The following HIVEP3 variants were observed in gnomAD, a reference collection of about 807,000 sequenced individuals.
The protein encoded by HIVEP3 is HIVEP zinc finger 3, also known as transcription factor HIVEP3.
In HIVEP3, 49 loss-of-function variants were observed where a neutral mutation model predicts 152.8. That is an observed-to-expected ratio of 0.32 (90% CI 0.26 to 0.41). HIVEP3 has a LOEUF of 0.41. Among genes scored for constraint, HIVEP3 ranks in the 10% least tolerant of loss-of-function variants. The pLI, the probability that HIVEP3 is intolerant of heterozygous loss-of-function variation, is 1.00. For missense variants in HIVEP3, 2,790 were observed against 3,103.3 expected (o/e 0.90, Z 2.40); for synonymous variants, 1,269 against 1,289.0 (o/e 0.98, Z 0.33).
chr1:41,733,319 C>A (rs1439264635), intron 1 of HIVEP3, among the ~76,000 whole-genome samples: 2 of 152,178 alleles, frequency 1.3e-5, no homozygotes, highest in African/African-American at 4.8e-5. Flanking sequence ...AGCCAATGTC[C>A]AACTCCCAGG....
intron 1 of HIVEP3, among the ~76,000 whole-genome samples, chr1:41,944,859 C>T (rs776359955): frequency 6.6e-6 from 1 of 152,176 alleles, no homozygotes; most frequent in East Asian, 1.9e-4. Flanking sequence ...AACATTCCCC[C>T]CAAGGCAAAA....
intron 2 of HIVEP3, among the ~76,000 whole-genome samples, chr1:41,693,713 G>A (rs192689987): frequency 6.6e-5 from 10 of 152,128 alleles, no homozygotes; most frequent in African/African-American, 1.4e-4. Flanking sequence ...GGAGGCATTC[G>A]TCATTCCGGT....
chr1:41,525,614 C>T (rs139810677), intron 5 of HIVEP3, among the ~76,000 whole-genome samples: 7 of 152,322 alleles, frequency 4.6e-5, no homozygotes, highest in South Asian at 4.1e-4. Context: ...CTCACCTGCA[C>T]GTCAGCCTGC....
chr1:41,646,968 G>T (rs1405283418), intron 2 of HIVEP3, among the ~76,000 whole-genome samples: 2 of 152,006 alleles, frequency 1.3e-5, no homozygotes, highest in Non-Finnish European at 2.9e-5. Context: ...TCCTTCTTTG[G>T]CTCATGGCCT....
At position 41,667,873 on chromosome 1, in the gene HIVEP3, C is replaced by T. The variant is rs138818770; in HGVS notation, c.-721+33043G>A. ...TAGTCACTCAATAAAGAAGCCCCCC[C>T]CAAGCCCCCCAACTCAAGCTCTTTG... On this transcript the variant is annotated intron_variant, in intron 2 of 8. Coordinates refer to ENST00000372583, the MANE Select transcript of HIVEP3 (RefSeq NM_024503.5). 3.3e-5 allele frequency among the ~76,000 whole-genome samples: 5 copies of T among 152,260 alleles called. 1 individual carries two copies. In the East Asian group the frequency reaches 9.6e-4, roughly 29 times the overall value.
chr1:41,689,620 A>G (rs2124106179), intron 2 of HIVEP3, among the ~76,000 whole-genome samples: 1 of 152,310 alleles, frequency 6.6e-6, no homozygotes, highest in Non-Finnish European at 1.5e-5. Context: ...TTTGCTTCCT[A>G]CTGGTTTACA....
chr1:41,526,418 CCTCACA>C (rs1382430899), intron 5 of HIVEP3, among the ~76,000 whole-genome samples: 1 of 140,960 alleles, frequency 7.1e-6, no homozygotes, highest in Non-Finnish European at 1.5e-5. Context: ...CCACACTCAC[CCTCACA>C]CTCACCCTCA....
At chr1:41,562,410 A>T (rs7525695) in intron 5 of HIVEP3, among the ~76,000 whole-genome samples, 39,417 of 152,072 alleles carry the variant, frequency 0.26, 5,372 homozygotes, top group East Asian at 0.46. Context: ...ATGGCTAAAA[A>T]ATATTTGAAT....
chr1:41,709,535 G>A lies in HIVEP3; in HGVS notation c.-800-8540C>T, dbSNP rs147875448. On this transcript the variant is annotated intron_variant, in intron 1 of 8. Transcript: ENST00000372583. ...AAGAAAGGCAGTGTCATTTCCTGACGATCTTCCTTGTTTAGGGCAGGAAAC... is the reference window on the plus strand; with the variant it reads ...AAGAAAGGCAGTGTCATTTCCTGACAATCTTCCTTGTTTAGGGCAGGAAAC... 2.1e-3 allele frequency among the ~76,000 whole-genome samples: 317 copies of A among 152,312 alleles called. 2 individuals carry two copies. Among genetic ancestry groups the A allele is most frequent in the Admixed American group, 4.2e-3 (65 of 15,302 alleles).
At chr1:41,682,453 G>A (rs1422225455) in intron 2 of HIVEP3, among the ~76,000 whole-genome samples, 2 of 152,186 alleles carry the variant, frequency 1.3e-5, no homozygotes, top group Non-Finnish European at 2.9e-5. Context: ...CTCTGGGAGG[G>A]TTGATGGAAC....
At chr1:41,994,006 G>T (rs1307741024) in intron 1 of HIVEP3, among the ~76,000 whole-genome samples, 3 of 116,858 alleles carry the variant, frequency 2.6e-5, no homozygotes, top group African/African-American at 9.6e-5. Flanking sequence ...GTTGTGGGGT[G>T]GGGGGAGGGG....
At chr1:42,032,419 G>A (rs1027130240) in intron 1 of HIVEP3, among the ~76,000 whole-genome samples, 2 of 152,194 alleles carry the variant, frequency 1.3e-5, no homozygotes, top group Non-Finnish European at 2.9e-5. Context: ...TGCAACACCC[G>A]TTGGGAAATA....
chr1:41,861,197 T>C (rs1209696918), intron 1 of HIVEP3, among the ~76,000 whole-genome samples: 2 of 152,348 alleles, frequency 1.3e-5, no homozygotes, highest in East Asian at 1.9e-4. Context: ...GACCATGTTA[T>C]AGCTGAATAC....
intron 1 of HIVEP3, among the ~76,000 whole-genome samples, chr1:41,821,523 C>A (rs1558298785): frequency 6.6e-6 from 1 of 152,204 alleles, no homozygotes. Context: ...GCTTCCCCTA[C>A]TCCACCCCAG....
chr1:41,732,208 G>T (rs1646850528), intron 1 of HIVEP3, among the ~76,000 whole-genome samples: 3 of 152,190 alleles, frequency 2.0e-5, no homozygotes, highest in Non-Finnish European at 4.4e-5. Context: ...GCCGGACGGG[G>T]AGCATCAGCA....
At position 41,918,894 on chromosome 1, in the gene HIVEP3, G is replaced by A. The variant is rs1195273913; in HGVS notation, c.-1282C>T. Among the ~76,000 whole-genome samples, 1 of 152,094 alleles carries A rather than the reference G, an allele frequency of 6.6e-6. No homozygotes were observed. The highest frequency in any genetic ancestry group is 1.5e-5 in the Non-Finnish European group (1 of 68,018). ...TGAATCCAGAGCCAACCCATGCCTC[G>A]CTTGTCTTTTCCACTAGGAGTCCAG... On this transcript the variant is annotated 5_prime_UTR_variant, in exon 1 of 9. Coordinates refer to ENST00000372583, the MANE Select transcript of HIVEP3 (RefSeq NM_024503.5). This position sits in a 1 kb window ranked among gnomAD's most constrained non-coding sequence, Gnocchi z 4.3.
intron 5 of HIVEP3, among the ~76,000 whole-genome samples, chr1:41,553,650 T>TC (rs1372950892): frequency 1.9e-4 from 29 of 152,356 alleles, no homozygotes; most frequent in African/African-American, 6.0e-4. Context: ...GTTGTTCCTT[T>TC]CCATGTTTAG....
intron 2 of HIVEP3, among the ~76,000 whole-genome samples, chr1:41,665,707 T>TACACACACACACACACACACAC (rs10530354): frequency 0.099 from 12,603 of 127,686 alleles, 941 homozygotes; most frequent in Middle Eastern, 0.13. Context: ...GGAAATGTTA[T>TACACACACACACACACACACAC]ACACACACAC....
intron 5 of HIVEP3, among the ~76,000 whole-genome samples, chr1:41,537,668 C>A (rs1643432461): frequency 6.6e-6 from 1 of 152,242 alleles, no homozygotes; most frequent in South Asian, 2.1e-4. Context: ...GTAGACACAT[C>A]CCCTGGTGGA....
Sources: allele counts gnomAD v4.1 joint callset (sites outside exome capture counted in the v4.1 genomes callset), GRCh38; gene constraint gnomAD v4.1.1; non-coding constraint Gnocchi (gnomAD v3.1); transcripts MANE v1.5; gene names NCBI Gene and HGNC (gene_info 2026-07-23, HGNC 2026-07-21).